RSAD2: variants seen among roughly 807,000 people sequenced by gnomAD.
The protein encoded by RSAD2 is radical S-adenosyl methionine domain containing 2.
A neutral mutation model predicts 37.7 loss-of-function variants in RSAD2; 38 were observed. The observed-to-expected ratio is 1.01, with a 90% CI of 0.78 to 1.32. The LOEUF (loss-of-function observed/expected upper bound fraction) is 1.32. Ranked by LOEUF, RSAD2 falls within the 40% of genes most tolerant of loss-of-function variation. The probability of loss-of-function intolerance (pLI) is 0.00; values close to 1 mark genes in which losing one functional copy is unlikely to be tolerated. For missense variants in RSAD2, 428 were observed against 437.5 expected, an observed-to-expected ratio of 0.98 and a Z score of 0.19; for synonymous variants, 163 against 157.4, an observed-to-expected ratio of 1.04 and a Z score of -0.27.
At chr2:6,871,261 G>T (rs1339716104) in intron 1 of RSAD2, among the ~76,000 whole-genome samples, 1 of 152,220 alleles carries the variant, frequency 6.6e-6, no homozygotes, top group African/African-American at 2.4e-5. Context: ...TGCCTTGCCT[G>T]TTGCTCTACC....
upstream of RSAD2, among the ~76,000 whole-genome samples, chr2:6,876,276 A>G (rs536596284): frequency 3.9e-5 from 6 of 152,218 alleles, no homozygotes; most frequent in African/African-American, 1.2e-4. Context: ...ATGCCACCCT[A>G]CAAGTCTTGA....
At chr2:6,880,612 C>G (rs1663379841) in intron 1 of RSAD2, among the ~76,000 whole-genome samples, 1 of 152,082 alleles carries the variant, frequency 6.6e-6, no homozygotes, top group African/African-American at 2.4e-5. Flanking sequence ...CCTCAACCTC[C>G]CTCTGTGCTC....
At chr2:6,886,904 G>C (rs1454230599) in intron 2 of RSAD2, 31 bp from the exon 3 acceptor site, 1 of 1,566,380 alleles carries the variant, frequency 6.4e-7, no homozygotes, top group Non-Finnish European at 8.8e-7. Flanking sequence ...TCCTTGGATA[G>C]AAAAGTTTAA....
upstream of RSAD2, among the ~76,000 whole-genome samples, chr2:6,873,335 A>G (rs193263485): frequency 7.9e-5 from 12 of 152,298 alleles, no homozygotes; most frequent in African/African-American, 1.2e-4. Flanking sequence ...ACATTTCTCT[A>G]TAATAGCATA....
chr2:6,876,557 G>A (rs564662109), upstream of RSAD2, among the ~76,000 whole-genome samples: 16 of 152,340 alleles, frequency 1.1e-4, no homozygotes, highest in African/African-American at 3.8e-4. Context: ...CATGGCATGA[G>A]AGTTTAAGAA....
intron 4 of RSAD2, 117 bp downstream of exon 4, chr2:6,890,442 A>C (rs1380647327): frequency 2.2e-5 from 24 of 1,099,612 alleles, no homozygotes; most frequent in Non-Finnish European, 3.1e-5. Flanking sequence ...CGGTGGTGAG[A>C]AATGGGAGGA....
chr2:6,880,358 C>T (rs1473357620), intron 1 of RSAD2, among the ~76,000 whole-genome samples: 6 of 152,082 alleles, frequency 3.9e-5, no homozygotes, highest in South Asian at 2.1e-4. Context: ...AAGGATTTGG[C>T]GTGGGAGGGT....
In RSAD2 at chr2:6,895,831, G is replaced by C; in HGVS notation, c.975G>C (p.Leu325=). The C allele has an allele frequency of 6.2e-7, 1 of 1,614,162 alleles. No individual in the cohort carries two copies. The highest frequency in any genetic ancestry group is 8.5e-7 in the Non-Finnish European group (1 of 1,179,990). ...KGRKDPSKSI[L]DVGVEEAIKF... ...GGAAGGACCCTTCCAAGTCCATCCTGGATGTTGGTGTAGAAGAAGCTATAA... is the reference window on the plus strand; with the variant it reads ...GGAAGGACCCTTCCAAGTCCATCCTCGATGTTGGTGTAGAAGAAGCTATAA... The change falls in exon 6 of 6, where the codon CTG becomes CTC. Residue 325 remains leucine (L), a synonymous_variant. Coordinates refer to ENST00000382040, the MANE Select transcript of RSAD2 (RefSeq NM_080657.5).
chr2:6,878,249 A>G, intron 1 of RSAD2, 103 bp downstream of exon 1: 2 of 919,724 alleles, frequency 2.2e-6, no homozygotes, highest in South Asian at 1.7e-5. Context: ...AGCTTCTCCA[A>G]AGCTTGAGGT....
At chr2:6,893,641 A>C in intron 4 of RSAD2, 30 bp from the exon 5 acceptor site, 1 of 1,590,356 alleles carries the variant, frequency 6.3e-7, no homozygotes, top group Non-Finnish European at 8.6e-7. Context: ...TGCACCTGAA[A>C]CTAAATTTGT....
intron 1 of RSAD2, among the ~76,000 whole-genome samples, chr2:6,881,022 C>T (rs1230996932): frequency 6.6e-6 from 1 of 151,978 alleles, no homozygotes; most frequent in Non-Finnish European, 1.5e-5. Flanking sequence ...ATAAATTACT[C>T]CTTGTCTAAG....
At chr2:6,865,901 G>C (rs1027224853) in exon 1 of RSAD2, 1 of 1,412,410 alleles carries the variant, frequency 7.1e-7, no homozygotes, top group African/African-American at 1.5e-5. Context: ...TCCTCGCCGC[G>C]AGATGTGCGC....
intron 4 of RSAD2, among the ~76,000 whole-genome samples, chr2:6,892,716 C>T (rs950136324): frequency 3.3e-5 from 5 of 152,140 alleles, no homozygotes; most frequent in African/African-American, 1.2e-4. Context: ...CACCACTCTG[C>T]ACCTTGAACT....
At chr2:6,878,669 A>G (rs1400997601) in intron 1 of RSAD2, 5 of 225,872 alleles carry the variant, frequency 2.2e-5, no homozygotes, top group Non-Finnish European at 4.2e-5. Context: ...CAAATATGTC[A>G]AGGACTTAGC....
At chr2:6,890,718 CT>C (rs1237993303) in intron 4 of RSAD2, among the ~76,000 whole-genome samples, 1 of 152,182 alleles carries the variant, frequency 6.6e-6, no homozygotes, top group Non-Finnish European at 1.5e-5. Flanking sequence ...AACATTATCA[CT>C]TTATTTAGTT....
chr2:6,882,111 C>G (rs1009817960), intron 1 of RSAD2, among the ~76,000 whole-genome samples: 4 of 152,186 alleles, frequency 2.6e-5, no homozygotes, highest in African/African-American at 7.2e-5. Context: ...CTCTCTGTCT[C>G]TCTGTAGTGA....
chr2:6,880,753 A>T (rs905669762), intron 1 of RSAD2, among the ~76,000 whole-genome samples: 1 of 152,038 alleles, frequency 6.6e-6, no homozygotes, highest in Admixed American at 6.6e-5. Flanking sequence ...GTCTGAGATG[A>T]TGGTGTTCTT....
upstream of RSAD2, chr2:6,877,692 G>T: frequency 9.1e-6 from 7 of 770,090 alleles, no homozygotes. Context: ...GTCAAAGAAG[G>T]TGTGTCCTGC....
At chr2:6,876,488 G>A (rs2166968), upstream of RSAD2, among the ~76,000 whole-genome samples, 137,761 of 152,202 alleles carry the variant, frequency 0.91, 63,942 homozygotes, top group East Asian at 1. Flanking sequence ...TGCCTCTCAT[G>A]ATCACATGTT....
Sources: gnomAD v4.1 joint callset for allele counts (sites outside exome capture counted in the v4.1 genomes callset) on GRCh38, gnomAD v4.1.1 for gene constraint, MANE v1.5 for transcripts, NCBI Gene and HGNC (gene_info 2026-07-23, HGNC 2026-07-21) for gene names.